NAALADL2: variants seen among roughly 807,000 people sequenced by gnomAD.
NAALADL2 encodes the protein N-acetylated alpha-linked acidic dipeptidase like 2.
In NAALADL2, 76 loss-of-function variants were observed where a neutral mutation model predicts 87.2. The ratio of observed to expected loss-of-function variants is 0.87; its 90% confidence interval spans 0.72 to 1.05. NAALADL2 has a LOEUF of 1.05. Among genes scored for constraint, NAALADL2 ranks in the 50% least tolerant of loss-of-function variants. The probability of loss-of-function intolerance (pLI) is 0.00; values close to 1 mark genes in which losing one functional copy is unlikely to be tolerated. For missense variants in NAALADL2, 1,089 were observed against 945.8 expected (o/e 1.15, Z -1.99); for synonymous variants, 354 against 331.0 (o/e 1.07, Z -0.75).
chr3:175,632,855 T>C (rs1727988874), intron 11 of NAALADL2, among the ~76,000 whole-genome samples: 1 of 152,080 alleles, frequency 6.6e-6, no homozygotes, highest in Non-Finnish European at 1.5e-5. Context: ...TCACGTATAG[T>C]AATCACTAGT....
intron 1 of NAALADL2, among the ~76,000 whole-genome samples, chr3:175,023,793 G>A (rs13433682): frequency 0.13 from 20,148 of 152,006 alleles, 1,705 homozygotes; most frequent in Middle Eastern, 0.24. Flanking sequence ...AGACATTACA[G>A]CTTTACTGAG....
chr3:175,064,570 G>C (rs1580262828), intron 1 of NAALADL2, among the ~76,000 whole-genome samples: 1 of 152,240 alleles, frequency 6.6e-6, no homozygotes, highest in East Asian at 1.9e-4. Flanking sequence ...CTTGAGTCAG[G>C]GACAGGGTCA....
chr3:175,252,951 A>T (rs1443040139), intron 3 of NAALADL2, among the ~76,000 whole-genome samples: 2 of 152,204 alleles, frequency 1.3e-5, no homozygotes, highest in Non-Finnish European at 2.9e-5. Context: ...ACAGGGGTTG[A>T]TCCATGAGGT....
chr3:175,586,868 T>G (rs1720611728), intron 10 of NAALADL2, among the ~76,000 whole-genome samples: 1 of 152,192 alleles, frequency 6.6e-6, no homozygotes, highest in Admixed American at 6.6e-5. Flanking sequence ...AATAATAACA[T>G]TGGATTAGGA....
intron 1 of NAALADL2, among the ~76,000 whole-genome samples, chr3:174,513,203 A>G (rs1048311532): frequency 4.6e-5 from 7 of 151,972 alleles, no homozygotes; most frequent in Admixed American, 1.3e-4. Flanking sequence ...CTCCTGATCT[A>G]CCTGCCTTGG....
At chr3:175,258,537 G>A (rs1167313993) in intron 4 of NAALADL2, among the ~76,000 whole-genome samples, 1 of 152,106 alleles carries the variant, frequency 6.6e-6, no homozygotes, top group Non-Finnish European at 1.5e-5. Context: ...TTCAAAGTTA[G>A]CTACCAAGCA....
intron 3 of NAALADL2, among the ~76,000 whole-genome samples, chr3:175,239,406 T>C (rs907327589): frequency 6.6e-6 from 1 of 152,238 alleles, no homozygotes; most frequent in African/African-American, 2.4e-5. Context: ...ATAGAACATA[T>C]GGCTTTTATG....
rs558445586 is a variant in NAALADL2, at chr3:175,509,524, A to G, written c.1653+37766A>G. On this transcript the variant is annotated intron_variant, in intron 9 of 13. Transcript: ENST00000454872. Reference sequence around the variant, plus strand: ...AAAATAAATCACTCCTTTTTTGTGTATATTATAAACAGCTCTATTGTAGTA... The same window carrying G: ...AAAATAAATCACTCCTTTTTTGTGTGTATTATAAACAGCTCTATTGTAGTA... Among the ~76,000 whole-genome samples the G allele has an allele frequency of 1.4e-4, 21 of 152,290 alleles. No individual in the cohort carries two copies. In the East Asian group the frequency reaches 4.0e-3, roughly 29 times the overall value.
intron 1 of NAALADL2, among the ~76,000 whole-genome samples, chr3:174,946,125 GTTTATTTC>G (rs1477905307): frequency 2.0e-5 from 3 of 147,742 alleles, no homozygotes; most frequent in Middle Eastern, 3.3e-3. Context: ...TATTCCTCTT[GTTTATTTC>G]TCTATATATT....
intron 5 of NAALADL2, among the ~76,000 whole-genome samples, chr3:175,399,655 T>C (rs1770297756): frequency 6.6e-6 from 1 of 152,134 alleles, no homozygotes; most frequent in Non-Finnish European, 1.5e-5. Context: ...TGGTGGGTTT[T>C]GGCCGGCTAC....
chr3:175,127,763 A>C (rs1727191731), intron 2 of NAALADL2, among the ~76,000 whole-genome samples: 1 of 152,166 alleles, frequency 6.6e-6, no homozygotes, highest in African/African-American at 2.4e-5. Context: ...GAGTGCCTAT[A>C]TTCCCAACTA....
chr3:175,118,443 C>G (rs778680943), intron 2 of NAALADL2, among the ~76,000 whole-genome samples: 6 of 151,058 alleles, frequency 4.0e-5, no homozygotes, highest in Admixed American at 3.3e-4. Flanking sequence ...TAAAATAAAA[C>G]TGGCCTTGGG....
intron 3 of NAALADL2, among the ~76,000 whole-genome samples, chr3:174,833,942 A>G (rs1723028292): frequency 6.6e-6 from 1 of 150,876 alleles, no homozygotes; most frequent in South Asian, 2.1e-4. Flanking sequence ...TAGAGTAAAC[A>G]TCATACCTAA....
rs142740400 is a variant in NAALADL2 at position 174,656,316 on chromosome 3, C to T, written c.-114-81325C>T. 2.7e-3 allele frequency among the ~76,000 whole-genome samples: 416 copies of T among 152,264 alleles called. 4 individuals are homozygous for T. The highest frequency in any genetic ancestry group is 0.022 in the South Asian group (105 of 4,830). On this transcript the variant is annotated intron_variant, in intron 2 of 3. Coordinates refer to the NAALADL2 transcript ENST00000434257. The stretch of plus-strand genomic sequence containing the variant: ...ACAGAACTGAAGGATAGAGAAATTT[C>T]CAAATTTCCCAAAATAGATAAATTT...
intron 11 of NAALADL2, among the ~76,000 whole-genome samples, chr3:175,711,766 G>T (rs1321980438): frequency 6.6e-6 from 1 of 151,744 alleles, no homozygotes. Flanking sequence ...TAGTTATGAG[G>T]AGATATAAAG....
At chr3:174,460,171 A>AT (rs967204456) in intron 1 of NAALADL2, among the ~76,000 whole-genome samples, 1 of 151,948 alleles carries the variant, frequency 6.6e-6, no homozygotes, top group Non-Finnish European at 1.5e-5. Context: ...TAGTAGTAGT[A>AT]TTTTTTTCTT....
chr3:174,824,371 T>C (rs1157611634), intron 3 of NAALADL2, among the ~76,000 whole-genome samples: 2 of 152,238 alleles, frequency 1.3e-5, no homozygotes, highest in African/African-American at 4.8e-5. Flanking sequence ...ATTCATTTTC[T>C]TTCCCAATAT....
chr3:174,604,622 T>C (rs1019788210), intron 2 of NAALADL2, among the ~76,000 whole-genome samples: 21 of 129,664 alleles, frequency 1.6e-4, no homozygotes, highest in Non-Finnish European at 2.2e-4. Flanking sequence ...ATTCATTTTC[T>C]GTTGTGTGTG....
intron 5 of NAALADL2, among the ~76,000 whole-genome samples, chr3:175,353,835 GAA>G (rs1188880285): frequency 6.6e-6 from 1 of 152,160 alleles, no homozygotes; most frequent in African/African-American, 2.4e-5. Context: ...GTCTATGAGA[GAA>G]AGAGTCAAAT....
Sources: gnomAD v4.1 joint callset for allele counts (sites outside exome capture counted in the v4.1 genomes callset) on GRCh38, gnomAD v4.1.1 for gene constraint, MANE v1.5 for transcripts, NCBI Gene and HGNC (gene_info 2026-07-23, HGNC 2026-07-21) for gene names.